The following CLCC1 variants were observed in gnomAD, a reference collection of about 807,000 sequenced individuals.
CLCC1 encodes chloride channel CLIC like 1.
Under a neutral mutation model 63.3 loss-of-function variants are expected in CLCC1, and 39 were observed. That is an observed-to-expected ratio of 0.62 (90% CI 0.48 to 0.81). CLCC1 has a LOEUF of 0.81. Among genes scored for constraint, CLCC1 ranks in the 30% least tolerant of loss-of-function variants. The pLI, the probability that CLCC1 is intolerant of heterozygous loss-of-function variation, is 0.00. For missense variants in CLCC1, 549 were observed against 669.4 expected, an observed-to-expected ratio of 0.82 and a Z score of 1.98; for synonymous variants, 217 against 239.8, an observed-to-expected ratio of 0.90 and a Z score of 0.88.
At chr1:108,940,710 T>G (rs772532078) in intron 8 of CLCC1, among the ~76,000 whole-genome samples, 5 of 152,228 alleles carry the variant, frequency 3.3e-5, no homozygotes, top group Non-Finnish European at 7.3e-5. Flanking sequence ...TTATATACGT[T>G]GGGAAACTAG....
At chr1:108,938,054 C>G (rs1220782552) in intron 10 of CLCC1, among the ~76,000 whole-genome samples, 1 of 152,150 alleles carries the variant, frequency 6.6e-6, no homozygotes, top group Non-Finnish European at 1.5e-5. Flanking sequence ...ATTCCAGATG[C>G]TAGAGTGACA....
At position 108,955,874 on chromosome 1, in the gene CLCC1, G is replaced by T. The variant is rs762053074; in HGVS notation, c.-11-5426C>A. Among the ~76,000 whole-genome samples the T allele has an allele frequency of 7.3e-5, 11 of 151,542 alleles. No individual in the cohort carries two copies. The South Asian group carries it at 8.3e-4, about 11-fold the overall frequency. The stretch of plus-strand genomic sequence containing the variant: ...GTTCTCAGGCCTTCAGCCTCAGACT[G>T]AAAATTACACCATAGGCTTCCCTGG... On this transcript the variant is annotated intron_variant, in intron 2 of 12. Coordinates refer to ENST00000369969, the MANE Select transcript of CLCC1 (RefSeq NM_001377458.1).
intron 12 of CLCC1, chr1:108,933,568 C>CTT (rs1200049122): frequency 6.6e-6 from 1 of 152,242 alleles, no homozygotes; most frequent in African/African-American, 2.4e-5. Flanking sequence ...AATTTAAAGA[C>CTT]TTTATTCCTG....
rs927386715 is a variant in CLCC1 at position 108,937,282 on chromosome 1, G to A, written c.1178C>T (p.Ala393Val). ...CCTATAATGGAAATCGGCATCACCT[G>A]CTCCACCATCAGGTCTATAATCAAT... Reference protein sequence around the residue: ...EEIDYRPDGGAGDADFHYRGQ... With the variant: ...EEIDYRPDGGVGDADFHYRGQ... Residue 393 changes from alanine to valine, a missense_variant, in exon 11 of 13, where the codon GCA becomes GTA. Coordinates refer to ENST00000369969, the MANE Select transcript of CLCC1 (RefSeq NM_001377458.1). 6.2e-7 allele frequency: 1 copy of A among 1,614,084 alleles called. No homozygotes were observed. The highest frequency in any genetic ancestry group is 8.5e-7 in the Non-Finnish European group (1 of 1,180,046).
rs1422141232 is a variant in CLCC1, at chr1:108,943,556, T to A, written c.621A>T (p.Val207=). Residue 207 remains valine, a synonymous_variant, in exon 7 of 13, where the codon GTA becomes GTT. Coordinates refer to ENST00000369969, the MANE Select transcript of CLCC1 (RefSeq NM_001377458.1). ...VLVATELWTY[V]RWYTQLRRVL... is the part of the protein sequence containing the mutation. ...CACGTCTCAACTGAGTGTACCAACG[T>A]ACATATGTCCACAGCTCAGTAGCCA... is the stretch of plus-strand genomic sequence containing the variant. 6.2e-7 allele frequency: 1 copy of A among 1,613,980 alleles called. No individual in the cohort carries two copies. Among genetic ancestry groups the A allele is most frequent in the Non-Finnish European group, 8.5e-7 (1 of 1,179,898 alleles).
At chr1:108,938,039 G>A (rs1397691991) in intron 10 of CLCC1, among the ~76,000 whole-genome samples, 2 of 152,032 alleles carry the variant, frequency 1.3e-5, no homozygotes, top group African/African-American at 2.4e-5. Context: ...AATATACAAC[G>A]GAGCATTCCA....
chr1:108,950,473 A>T, intron 2 of CLCC1, 25 bp from the exon 3 acceptor site: 1 of 1,311,648 alleles, frequency 7.6e-7, no homozygotes. Flanking sequence ...AATATATATA[A>T]TGAAATAGAA....
Position 108,950,411 on chromosome 1 carries a change from T to C in CLCC1, c.27A>G (p.Glu9=), listed in dbSNP as rs1008083730. The C allele has an allele frequency of 1.2e-5, 20 of 1,610,122 alleles. No individual in the cohort carries two copies. Among genetic ancestry groups the C allele is most frequent in the Non-Finnish European group, 1.6e-5 (19 of 1,177,658 alleles). ...CATAACCAGCTACCAGCAACAGACA[T>C]TCACAAAGGAGCAAAGAACACAGCA... MLCSLLLC[E]CLLLVAGYAH... The change falls in exon 3 of 13, where the codon GAA becomes GAG. Residue 9 remains glutamate (E), a synonymous_variant. Transcript: ENST00000369969.
chr1:108,956,991 G>A lies in CLCC1; in HGVS notation c.-12+5318C>T, dbSNP rs796176499. Reference sequence around the variant, plus strand: ...CCACTTGAGGCTTTTAAATAGGGGCGTGATAGAATCTGGTTTACATTCTAA... The same window carrying A: ...CCACTTGAGGCTTTTAAATAGGGGCATGATAGAATCTGGTTTACATTCTAA... On this transcript the variant is annotated intron_variant, in intron 2 of 12. Transcript: ENST00000369969. 1.5e-4 allele frequency among the ~76,000 whole-genome samples: 23 copies of A among 150,570 alleles called. 2 individuals carry two copies. The highest frequency in any genetic ancestry group is 5.2e-4 in the African/African-American group (21 of 40,404).
Position 108,931,702 on chromosome 1 carries a change from C to A in CLCC1, c.*845G>T. On this transcript the variant is annotated 3_prime_UTR_variant, in exon 13 of 13. Transcript: ENST00000369969. ...CATGTATACTATAAGGTATGATGTC[C>A]TGGATAGCATTTTAAAAACTCAGGT... is the stretch of plus-strand genomic sequence containing the variant. The A allele has an allele frequency of 2.0e-6, 1 of 507,802 alleles. No individual in the cohort carries two copies. The highest frequency in any genetic ancestry group is 3.0e-6 in the Non-Finnish European group (1 of 338,080). 31.5% of individuals were successfully genotyped at this position (507,802 alleles called of 1,614,324 possible). A position where few individuals can be genotyped will look rare whatever the true frequency, so the allele number is the denominator to read the frequency against.
At position 108,958,911 on chromosome 1, in the gene CLCC1, T is replaced by C. The variant is rs556832772; in HGVS notation, c.-12+3398A>G. ...TAAATAGGCCAGGCACAGTGGCTCA[T>C]GCCTATAATCCCAGCACTTTGGGAG... On this transcript the variant is annotated intron_variant, in intron 2 of 12. Transcript: ENST00000369969. 7.6e-4 allele frequency among the ~76,000 whole-genome samples: 115 copies of C among 151,210 alleles called. 5 individuals carry two copies. Among genetic ancestry groups the C allele is most frequent in the African/African-American group, 2.7e-3 (110 of 40,606 alleles).
At chr1:108,939,568 C>T in intron 10 of CLCC1, 68 bp downstream of exon 10, 2 of 1,464,394 alleles carry the variant, frequency 1.4e-6, no homozygotes, top group Non-Finnish European at 1.9e-6. Flanking sequence ...CTAGGCCTCC[C>T]AAAGTGCTGG....
intron 6 of CLCC1, 73 bp from the exon 7 acceptor site, chr1:108,943,688 C>T (rs1654148815): frequency 1.3e-6 from 2 of 1,575,962 alleles, no homozygotes; most frequent in Non-Finnish European, 8.7e-7. Flanking sequence ...GACTCAAAAG[C>T]ACAAAATCAT....
Position 108,939,411 on chromosome 1 carries a change from G to A in CLCC1, c.1041+225C>T, listed in dbSNP as rs564010719. ...AAGCTCCGCCTCCCAGGTTCACCCCGTTCTCCTGCCTCAGCCTCCCGAGTA... is the reference window on the plus strand; with the variant it reads ...AAGCTCCGCCTCCCAGGTTCACCCCATTCTCCTGCCTCAGCCTCCCGAGTA... On this transcript the variant is annotated intron_variant, in intron 10 of 12. Transcript: ENST00000369969. 2.4e-3 allele frequency among the ~76,000 whole-genome samples: 354 copies of A among 149,896 alleles called. 1 individual carries two copies. Among genetic ancestry groups the A allele is most frequent in the Middle Eastern group, 6.8e-3 (2 of 294 alleles).
intron 12 of CLCC1, chr1:108,932,741 T>C (rs1011286818): frequency 1.3e-5 from 2 of 152,222 alleles, no homozygotes; most frequent in Admixed American, 1.3e-4. Flanking sequence ...TACGCATGGA[T>C]GTTCACAAAT....
Position 108,937,419 on chromosome 1 carries a change from CTG to C in CLCC1, c.1042-3_1042-2del. On this transcript the variant is annotated splice_acceptor_variant and splice_polypyrimidine_tract_variant and intron_variant, in intron 10 of 12. Coordinates refer to ENST00000369969, the MANE Select transcript of CLCC1 (RefSeq NM_001377458.1). LOFTEE classifies it high-confidence loss of function. ...ATTTTCCAGCACCATAGCAGAAACT[CTG>C]TAAGGAAAAGAAATACATTTTCCTG... 1 of 1,569,902 alleles carries C rather than the reference CTG, an allele frequency of 6.4e-7. No homozygotes were observed. The highest frequency in any genetic ancestry group is 8.6e-7 in the Non-Finnish European group (1 of 1,159,022).
chr1:108,945,934 G>A (rs990600216), intron 5 of CLCC1, among the ~76,000 whole-genome samples: 8 of 151,778 alleles, frequency 5.3e-5, no homozygotes, highest in African/African-American at 1.2e-4. Flanking sequence ...AGGCCGAGGC[G>A]GTCAGATCAC....
At position 108,931,278 on chromosome 1, in the gene CLCC1, TTA is replaced by T; in HGVS notation, c.*1267_*1268del. On this transcript the variant is annotated 3_prime_UTR_variant, in exon 13 of 13. Coordinates refer to ENST00000369969, the MANE Select transcript of CLCC1 (RefSeq NM_001377458.1). ...TGAAAGAAAGATGTCAGCTAGAACC[TTA>T]GTTGTCATTAAGCTTTGTCTTCCTT... 1 of 1,507,556 alleles carries T rather than the reference TTA, an allele frequency of 6.6e-7. No homozygotes were observed. The highest frequency in any genetic ancestry group is 8.9e-7 in the Non-Finnish European group (1 of 1,125,798). 93.4% of individuals were successfully genotyped at this position (1,507,556 alleles called of 1,614,324 possible).
chr1:108,963,157 G>C lies in CLCC1; in HGVS notation c.-173+204C>G, dbSNP rs1271860131. Among the ~76,000 whole-genome samples the C allele has an allele frequency of 9.8e-5, 15 of 152,364 alleles. No homozygotes were observed. The East Asian group carries it at 2.9e-3, about 29-fold the overall frequency. On this transcript the variant is annotated intron_variant, in intron 1 of 12. Transcript: ENST00000369969. ...GGAACGCGCGCAACCGCGGCGGACA[G>C]GCAGCCGCCGGCGCGGGAGCTGAGG...
Sources: allele counts gnomAD v4.1 joint callset (sites outside exome capture counted in the v4.1 genomes callset), GRCh38; gene constraint gnomAD v4.1.1; transcripts MANE v1.5; gene names NCBI Gene and HGNC (gene_info 2026-07-23, HGNC 2026-07-21).